Variants in VPS4A observed in about 807,000 individuals in gnomAD.
The protein encoded by VPS4A is vacuolar protein sorting 4 homolog A.
In VPS4A, 20 loss-of-function variants were observed where a neutral mutation model predicts 52.3. The ratio of observed to expected loss-of-function variants is 0.38; its 90% CI spans 0.27 to 0.56. The LOEUF (loss-of-function observed/expected upper bound fraction) is 0.56. Ranked by LOEUF, VPS4A falls within the 20% of genes least tolerant of loss-of-function variation. The probability of loss-of-function intolerance (pLI) is 0.72; values close to 1 mark genes in which losing one functional copy is unlikely to be tolerated. For missense variants in VPS4A, 419 were observed against 575.9 expected (o/e 0.73, Z 2.79); for synonymous variants, 293 against 227.7 (o/e 1.29, Z -2.58).
At chr16:69,312,445 A>T (rs1263038789) in intron 1 of VPS4A, among the ~76,000 whole-genome samples, 1 of 152,092 alleles carries the variant, frequency 6.6e-6, no homozygotes, top group East Asian at 1.9e-4. Context: ...AGGAGCAGAC[A>T]TGGAATGAGT....
Position 69,311,545 on chromosome 16 carries a change from G to C in VPS4A, c.21+13G>C. On this transcript the variant is annotated intron_variant, in intron 1 of 10. Transcript: ENST00000254950. Reference sequence around the variant, plus strand: ...GTCAACCCTCCAGGTACTTCGTGCGGCCCGGCCCGACTTCGGAGGCCGAAG... The same window carrying C: ...GTCAACCCTCCAGGTACTTCGTGCGCCCCGGCCCGACTTCGGAGGCCGAAG... The C allele has an allele frequency of 3.0e-6, 4 of 1,316,682 alleles. No individual in the cohort carries two copies. In the South Asian group the frequency reaches 9.2e-5, roughly 30 times the overall value. The allele number at this position is 1,316,682 out of a possible 1,614,324, so 81.6% of individuals were successfully genotyped here. A position where few individuals can be genotyped will look rare whatever the true frequency, so the allele number is the denominator to read the frequency against.
chr16:69,317,126 G>A lies in VPS4A; in HGVS notation c.281+754G>A, dbSNP rs17773563. Among the ~76,000 whole-genome samples, 207 of 152,290 alleles carry A rather than the reference G, an allele frequency of 1.4e-3. No individual in the cohort carries two copies. The East Asian group carries it at 0.024, about 17-fold the overall frequency. ...CTCCTGGATGGAGGGTCTGCACCAC[G>A]TTCCCATCCGCAGAGGGAGAGGTCT... is the stretch of plus-strand genomic sequence containing the variant. On this transcript the variant is annotated intron_variant, in intron 3 of 10. Coordinates refer to ENST00000254950, the MANE Select transcript of VPS4A (RefSeq NM_013245.3).
chr16:69,323,641 T>C (rs1965542091), intron 10 of VPS4A: 2 of 455,786 alleles, frequency 4.4e-6, no homozygotes, highest in Non-Finnish European at 8.8e-6. Flanking sequence ...TGGCTGGTGT[T>C]GGGGGTGTGC....
Position 69,321,042 on chromosome 16 carries a change from GCT to G in VPS4A, c.852-4_852-3del. The G allele has an allele frequency of 6.4e-7, 1 of 1,570,288 alleles. No homozygotes were observed. Among genetic ancestry groups the G allele is most frequent in the South Asian group, 1.2e-5 (1 of 85,246 alleles). On this transcript the variant is annotated splice_polypyrimidine_tract_variant and splice_region_variant and intron_variant, in intron 8 of 10. Transcript: ENST00000254950. The surrounding 1 kb of genome is among the most constrained non-coding windows in gnomAD (Gnocchi z 4.5). ...GCTGTCAACTCCTGCCGTGTGCTGGGCTCTCTAGGTTTGAAAAACGAATTTAT... is the reference window on the plus strand; with the variant it reads ...GCTGTCAACTCCTGCCGTGTGCTGGGCTCTAGGTTTGAAAAACGAATTTAT...
Position 69,320,401 on chromosome 16 carries a change from C to T in VPS4A, c.769+112C>T. 6.8e-7 allele frequency: 1 copy of T among 1,469,070 alleles called. No homozygotes were observed. Among genetic ancestry groups the T allele is most frequent in the South Asian group, 1.3e-5 (1 of 76,230 alleles). 91.0% of individuals were successfully genotyped at this position (1,469,070 alleles called of 1,614,324 possible). On this transcript the variant is annotated intron_variant, in intron 7 of 10. Coordinates refer to ENST00000254950, the MANE Select transcript of VPS4A (RefSeq NM_013245.3). This position sits in a 1 kb window ranked among gnomAD's most constrained non-coding sequence, Gnocchi z 4.2. ...TGTTCTCAGCCTCGGAGAGGCACTCCCCAGCTCCAGCCCCTCAGGGCACGG... is the reference window on the plus strand; with the variant it reads ...TGTTCTCAGCCTCGGAGAGGCACTCTCCAGCTCCAGCCCCTCAGGGCACGG...
chr16:69,314,962 C>T (rs78185784), intron 1 of VPS4A, among the ~76,000 whole-genome samples: 8,162 of 152,066 alleles, frequency 0.054, 312 homozygotes, highest in Middle Eastern at 0.12. Context: ...TGACCGGTCG[C>T]GGTGGCTCAT....
rs758853124 is a variant in VPS4A at position 69,324,345 on chromosome 16, G to GTTGA, written c.*40_*43dup. 5.0e-6 allele frequency: 8 copies of GTTGA among 1,600,974 alleles called. No homozygotes were observed. Among genetic ancestry groups the GTTGA allele is most frequent in the African/African-American group, 4.0e-5 (3 of 74,768 alleles). On this transcript the variant is annotated 3_prime_UTR_variant, in exon 11 of 11. Transcript: ENST00000254950. ...ACTTGGGCAATGGTGAAGGTGGGAG[G>GTTGA]TTGATTGGGGCAAATCCAGGCACTC...
At chr16:69,311,569 A>G in intron 1 of VPS4A, 37 bp downstream of exon 1, 1 of 1,283,170 alleles carries the variant, frequency 7.8e-7, no homozygotes, top group Non-Finnish European at 1.0e-6. Context: ...CGGAGGCCGA[A>G]GGCAGCGGGG....
At position 69,325,563 on chromosome 16, in the gene VPS4A, G is replaced by C. The variant is rs894944250; in HGVS notation, c.*1254G>C. On this transcript the variant is annotated 3_prime_UTR_variant, in exon 11 of 11. Transcript: ENST00000254950. Reference sequence around the variant, plus strand: ...ATCCTGGCTAACACAGTGAAACCCCGTCTCACTAAAAATAAAAAAATTAGC... The same window carrying C: ...ATCCTGGCTAACACAGTGAAACCCCCTCTCACTAAAAATAAAAAAATTAGC... 6.6e-6 allele frequency: 1 copy of C among 152,014 alleles called. No homozygotes were observed. Among genetic ancestry groups the C allele is most frequent in the Non-Finnish European group, 1.5e-5 (1 of 68,012 alleles). 9.4% of individuals were successfully genotyped at this position (152,014 alleles called of 1,614,324 possible). A position where few individuals can be genotyped will look rare whatever the true frequency, so the allele number is the denominator to read the frequency against.
chr16:69,316,744 G>A (rs1027808870), intron 3 of VPS4A, among the ~76,000 whole-genome samples: 4 of 152,204 alleles, frequency 2.6e-5, no homozygotes, highest in African/African-American at 4.8e-5. Flanking sequence ...GTGAGATGAC[G>A]TGGGCAGTGC....
chr16:69,317,797 A>G (rs2143254922), intron 3 of VPS4A, among the ~76,000 whole-genome samples: 1 of 152,008 alleles, frequency 6.6e-6, no homozygotes, highest in South Asian at 2.1e-4. Context: ...TGTCTTAAAA[A>G]AAAAATTAGC....
Position 69,324,237 on chromosome 16 carries a change from C to A in VPS4A, c.1242C>A (p.Thr414=), listed in dbSNP as rs1396048020. The A allele has an allele frequency of 6.2e-7, 1 of 1,613,832 alleles. No individual in the cohort carries two copies. The highest frequency in any genetic ancestry group is 8.5e-7 in the Non-Finnish European group (1 of 1,179,854). ...ACATGCTGCGGTCTCTGGCCACCACCCGGCCCACGGTGAATGCAGACGACC... is the reference window on the plus strand; with the variant it reads ...ACATGCTGCGGTCTCTGGCCACCACACGGCCCACGGTGAATGCAGACGACC... ...MSDMLRSLAT[T]RPTVNADDLL... The change falls in exon 11 of 11, where the codon ACC becomes ACA. Residue 414 remains threonine, a synonymous_variant. Coordinates refer to ENST00000254950, the MANE Select transcript of VPS4A (RefSeq NM_013245.3).
At chr16:69,311,771 C>T (rs979115413) in intron 1 of VPS4A, among the ~76,000 whole-genome samples, 6 of 152,242 alleles carry the variant, frequency 3.9e-5, no homozygotes, top group African/African-American at 1.2e-4. Context: ...AGGGCCGCTT[C>T]GTGTAGCCGG....
rs962135758 is a variant in VPS4A at position 69,311,366 on chromosome 16, C to G, written c.-146C>G. On this transcript the variant is annotated 5_prime_UTR_variant, in exon 1 of 11. Coordinates refer to ENST00000254950, the MANE Select transcript of VPS4A (RefSeq NM_013245.3). ...TCCTCGCTTGCCCTCGGACTCGGCTCCCGCTGCGAGCGGCCGCCCTGCCCG... is the reference window on the plus strand; with the variant it reads ...TCCTCGCTTGCCCTCGGACTCGGCTGCCGCTGCGAGCGGCCGCCCTGCCCG... The G allele has an allele frequency of 4.4e-6, 4 of 903,900 alleles. No individual in the cohort carries two copies. The East Asian group carries it at 1.1e-4, about 26-fold the overall frequency. The allele number at this position is 903,900 out of a possible 1,614,324, so 56.0% of individuals were successfully genotyped here.
chr16:69,318,941 A>G lies in VPS4A; in HGVS notation c.462A>G (p.Thr154=). The part of the protein sequence containing the change: ...ILPIKFPHLF[T]GKRTPWRGIL... ...CAATCAAATTCCCACACTTGTTCAC[A>G]GGTGAGAGTTGAGCCATTTCAAACC... The change falls in exon 5 of 11, where the codon ACA becomes ACG. Residue 154 remains threonine, a splice_region_variant and synonymous_variant. Transcript: ENST00000254950. The G allele has an allele frequency of 1.2e-6, 2 of 1,612,614 alleles. No individual in the cohort carries two copies. Among genetic ancestry groups the G allele is most frequent in the South Asian group, 2.2e-5 (2 of 91,050 alleles).
rs1965514015 is a variant in VPS4A, at chr16:69,321,663, T to C, written c.1071+393T>C. 1 of 248,634 alleles carries C rather than the reference T, an allele frequency of 4.0e-6. No individual in the cohort carries two copies. The highest frequency in any genetic ancestry group is 1.0e-4 in the East Asian group (1 of 9,944). 15.4% of individuals were successfully genotyped at this position (248,634 alleles called of 1,614,324 possible). ...GCTGAGTATTTGCTGTGGGTCCTCC[T>C]GTGTGCCCGGCCCTGTCCTAAGTGC... On this transcript the variant is annotated intron_variant, in intron 9 of 10. Transcript: ENST00000254950. This position sits in a 1 kb window ranked among gnomAD's most constrained non-coding sequence, Gnocchi z 4.5.
At chr16:69,322,173 C>T (rs570443060) in intron 9 of VPS4A, 26 of 166,446 alleles carry the variant, frequency 1.6e-4, no homozygotes, top group East Asian at 1.8e-4. Context: ...GAGAATAGCA[C>T]GGGAAAGACC....
chr16:69,312,590 G>A (rs1207311722), intron 1 of VPS4A, among the ~76,000 whole-genome samples: 2 of 152,092 alleles, frequency 1.3e-5, no homozygotes, highest in Non-Finnish European at 2.9e-5. Context: ...TCAAACACAG[G>A]TGTATTTATT....
chr16:69,318,822 G>C lies in VPS4A; in HGVS notation c.344-1G>C. The C allele has an allele frequency of 1.9e-6, 3 of 1,612,932 alleles. No homozygotes were observed. The highest frequency in any genetic ancestry group is 2.5e-6 in the Non-Finnish European group (3 of 1,179,432). ...GGCCCGGGCCGGCCTCCCTCTCGCA[G>C]GTGCCGTCGTGATGGAGAAGCCCAA... On this transcript the variant is annotated splice_acceptor_variant, in intron 4 of 10. Transcript: ENST00000254950. LOFTEE classifies it high-confidence loss of function.
Sources: allele counts gnomAD v4.1 joint callset (sites outside exome capture counted in the v4.1 genomes callset), GRCh38; gene constraint gnomAD v4.1.1; non-coding constraint Gnocchi (gnomAD v3.1); transcripts MANE v1.5; gene names NCBI Gene and HGNC (gene_info 2026-07-23, HGNC 2026-07-21).